Variants in MERTK observed in about 807,000 individuals in gnomAD.
MERTK encodes tyrosine-protein kinase Mer.
MERTK carries 69 observed loss-of-function variants against 99.3 expected under a neutral mutation model. The observed-to-expected ratio is 0.70, with a 90% CI of 0.57 to 0.85. The LOEUF (loss-of-function observed/expected upper bound fraction) is 0.85, where lower values mean the gene tolerates loss of function less well. MERTK is among the 40% of genes least tolerant of loss of function. The pLI is 0.00. For synonymous variants in MERTK, 426 were observed against 467.6 expected (o/e 0.91, Z 1.15); for missense variants, 1,125 against 1,249.4 (o/e 0.90, Z 1.50).
chr2:111,997,199 A>G lies in MERTK; in HGVS notation c.1451-124A>G, dbSNP rs781052446. The stretch of plus-strand genomic sequence containing the variant: ...AGCTTACACAAAGTGAGACCTGCCT[A>G]TATTTGTAGATTATAAAAGATTTAA... On this transcript the variant is annotated intron_variant, in intron 9 of 18. Coordinates refer to ENST00000295408, the MANE Select transcript of MERTK (RefSeq NM_006343.3). 71 of 1,137,172 alleles carry G rather than the reference A, an allele frequency of 6.2e-5. 2 individuals carry two copies. Among genetic ancestry groups the G allele is most frequent in the Non-Finnish European group, 3.7e-5 (28 of 748,356 alleles). 70.4% of individuals were successfully genotyped at this position (1,137,172 alleles called of 1,614,324 possible).
intron 4 of MERTK, among the ~76,000 whole-genome samples, chr2:111,954,755 A>G (rs1030347387): frequency 1.3e-5 from 2 of 152,356 alleles, no homozygotes; most frequent in African/African-American, 4.8e-5. Flanking sequence ...CCAAAGGGCT[A>G]AAACAAGTCC....
intron 4 of MERTK, 80 bp downstream of exon 4, chr2:111,947,647 C>T: frequency 6.7e-7 from 1 of 1,494,992 alleles, no homozygotes; most frequent in East Asian, 2.3e-5. Flanking sequence ...TGCTGTGCAC[C>T]ACTAGCAGGC....
At chr2:111,899,146 C>A (rs1683988399) in intron 1 of MERTK, among the ~76,000 whole-genome samples, 1 of 152,324 alleles carries the variant, frequency 6.6e-6, no homozygotes, top group African/African-American at 2.4e-5. Flanking sequence ...ACGTAGGTAG[C>A]AGGTCTGGTC....
chr2:111,910,951 G>A (rs1251200066), intron 1 of MERTK, among the ~76,000 whole-genome samples: 1 of 152,212 alleles, frequency 6.6e-6, no homozygotes, highest in East Asian at 1.9e-4. Flanking sequence ...ATAGTTAACA[G>A]TAATGTGTAA....
At chr2:112,009,092 G>T (rs1677043434) in intron 14 of MERTK, among the ~76,000 whole-genome samples, 1 of 152,174 alleles carries the variant, frequency 6.6e-6, no homozygotes, top group African/African-American at 2.4e-5. Flanking sequence ...GGAAATAATT[G>T]AATTTTCTGC....
At chr2:111,962,657 G>A (rs936968215) in intron 4 of MERTK, among the ~76,000 whole-genome samples, 2 of 152,054 alleles carry the variant, frequency 1.3e-5, no homozygotes, top group Admixed American at 6.5e-5. Context: ...GAACCAATAC[G>A]GATACATCAT....
At chr2:111,949,562 A>G (rs192371658) in intron 4 of MERTK, among the ~76,000 whole-genome samples, 3 of 152,312 alleles carry the variant, frequency 2.0e-5, no homozygotes, top group African/African-American at 7.2e-5. Flanking sequence ...TAGGATGATC[A>G]CTCTGAAATC....
chr2:111,952,521 CT>C (rs1383659084), intron 4 of MERTK: 4 of 152,958 alleles, frequency 2.6e-5, no homozygotes, highest in African/African-American at 9.6e-5. Context: ...TCATTTTCGT[CT>C]TCTAAAACTC....
chr2:111,940,085 A>G (rs1214941651), intron 2 of MERTK, among the ~76,000 whole-genome samples: 1 of 150,200 alleles, frequency 6.7e-6, no homozygotes, highest in Non-Finnish European at 1.5e-5. Flanking sequence ...CCTAGAGCCC[A>G]GGTCCTCTTT....
chr2:111,940,535 C>T, intron 2 of MERTK: 1 of 610,724 alleles, frequency 1.6e-6, no homozygotes, highest in Admixed American at 1.9e-5. Flanking sequence ...TTAGCAACTG[C>T]ATCCTGTGTC....
chr2:111,989,991 C>T (rs1470947359), intron 8 of MERTK, among the ~76,000 whole-genome samples: 1 of 152,100 alleles, frequency 6.6e-6, no homozygotes, highest in African/African-American at 2.4e-5. Flanking sequence ...TGGCATACAC[C>T]CCATGACCAG....
intron 4 of MERTK, among the ~76,000 whole-genome samples, chr2:111,963,912 G>A (rs968669885): frequency 4.0e-5 from 6 of 151,796 alleles, no homozygotes; most frequent in Admixed American, 3.3e-4. Context: ...TTTTGTTCTC[G>A]GGAGGAAGGC....
intron 4 of MERTK, among the ~76,000 whole-genome samples, chr2:111,960,375 G>T (rs1685223847): frequency 6.6e-6 from 1 of 151,516 alleles, no homozygotes; most frequent in South Asian, 2.1e-4. Flanking sequence ...CAGCTACTTG[G>T]GAGACTGAGG....
intron 18 of MERTK, among the ~76,000 whole-genome samples, chr2:112,027,567 A>G (rs760325811): frequency 1.8e-4 from 28 of 152,056 alleles, no homozygotes; most frequent in Admixed American, 9.2e-4. Flanking sequence ...GTTGCCCTCT[A>G]TAAAACAAAG....
intron 6 of MERTK, among the ~76,000 whole-genome samples, chr2:111,974,489 G>T (rs781403061): frequency 4.6e-4 from 70 of 152,058 alleles, no homozygotes; most frequent in African/African-American, 1.5e-3. Context: ...ATTAAGAAAC[G>T]CTGGGTGTGG....
Position 112,029,375 on chromosome 2 carries a change from T to G in MERTK, c.*511T>G. ...TAAAATATGAATAAGGAAGGATATG[T>G]TGAACTTACTTGAGACTTGAAAGAC... On this transcript the variant is annotated 3_prime_UTR_variant, in exon 19 of 19. Coordinates refer to ENST00000295408, the MANE Select transcript of MERTK (RefSeq NM_006343.3). 18 of 932,914 alleles carry G rather than the reference T, an allele frequency of 1.9e-5. No individual in the cohort carries two copies. In the South Asian group the frequency reaches 2.5e-4, roughly 13 times the overall value. The allele number at this position is 932,914 out of a possible 1,614,324, so 57.8% of individuals were successfully genotyped here. A position where few individuals can be genotyped will look rare whatever the true frequency, so the allele number is the denominator to read the frequency against.
At chr2:111,951,003 A>G (rs1036967558) in intron 4 of MERTK, among the ~76,000 whole-genome samples, 1 of 151,672 alleles carries the variant, frequency 6.6e-6, no homozygotes, top group Non-Finnish European at 1.5e-5. Flanking sequence ...ATTTTTTTTT[A>G]TTTTAAAATT....
intron 7 of MERTK, among the ~76,000 whole-genome samples, chr2:111,978,142 TTGGTTGTTTTTTG>T: frequency 6.7e-6 from 1 of 148,664 alleles, no homozygotes; most frequent in Admixed American, 6.7e-5. Context: ...GTTTTGTTTT[TTGGTTGTTTTTTG>T]TTTTTTTTTT....
intron 2 of MERTK, among the ~76,000 whole-genome samples, chr2:111,933,315 A>T (rs1356844238): frequency 1.3e-5 from 2 of 152,230 alleles, no homozygotes; most frequent in African/African-American, 4.8e-5. Flanking sequence ...GCTCCCAGGA[A>T]CAGTGAAGAG....
Sources: allele counts gnomAD v4.1 joint callset (sites outside exome capture counted in the v4.1 genomes callset), GRCh38; gene constraint gnomAD v4.1.1; transcripts MANE v1.5; gene names NCBI Gene and HGNC (gene_info 2026-07-23, HGNC 2026-07-21).